The following CFAP77 variants were observed in gnomAD, a reference collection of about 807,000 sequenced individuals.
CFAP77 encodes the protein cilia- and flagella-associated protein 77.
In CFAP77, 25 loss-of-function variants were observed where a neutral mutation model predicts 31.1. The observed-to-expected ratio is 0.80, with a 90% confidence interval of 0.59 to 1.12. The LOEUF (loss-of-function observed/expected upper bound fraction) is 1.12. CFAP77 is among the 50% of genes most tolerant of loss of function. The pLI, the probability that CFAP77 is intolerant of heterozygous loss-of-function variation, is 0.00. For missense variants in CFAP77, 377 were observed against 397.3 expected, an observed-to-expected ratio of 0.95 and a Z score of 0.44; for synonymous variants, 151 against 159.9, an observed-to-expected ratio of 0.94 and a Z score of 0.42.
chr9:132,553,310 G>C (rs905914089), intron 5 of CFAP77, among the ~76,000 whole-genome samples: 1 of 152,094 alleles, frequency 6.6e-6, no homozygotes, highest in Non-Finnish European at 1.5e-5. Context: ...ATTCACATAC[G>C]CTTTTTGTTG....
At chr9:132,445,069 G>A (rs2131706462) in intron 1 of CFAP77, among the ~76,000 whole-genome samples, 1 of 151,746 alleles carries the variant, frequency 6.6e-6, no homozygotes, top group African/African-American at 2.4e-5. Flanking sequence ...CGCCTCCTGG[G>A]TTCCAGCAAT....
chr9:132,567,403 C>T (rs1278972250), intron 5 of CFAP77, among the ~76,000 whole-genome samples: 2 of 152,178 alleles, frequency 1.3e-5, no homozygotes, highest in Admixed American at 1.3e-4. Flanking sequence ...ACGGCGACTG[C>T]GAAAAAGAAA....
intron 1 of CFAP77, among the ~76,000 whole-genome samples, chr9:132,449,686 G>A (rs1165175730): frequency 1.3e-5 from 2 of 152,084 alleles, no homozygotes; most frequent in East Asian, 3.8e-4. Context: ...TTTATCTTGG[G>A]CAAATACCCA....
intron 1 of CFAP77, among the ~76,000 whole-genome samples, chr9:132,431,236 C>T (rs1231518491): frequency 6.6e-6 from 1 of 152,326 alleles, no homozygotes; most frequent in East Asian, 1.9e-4. Flanking sequence ...GCAAAGTTTG[C>T]ACTTTGAGTT....
chr9:132,427,777 G>A (rs12684354), intron 1 of CFAP77, among the ~76,000 whole-genome samples: 6,229 of 152,216 alleles, frequency 0.041, 129 homozygotes, highest in Middle Eastern at 0.058. Context: ...GCCTGTAAAG[G>A]TGTCTATGTC....
intron 1 of CFAP77, among the ~76,000 whole-genome samples, chr9:132,453,002 G>C (rs965366082): frequency 1.3e-5 from 2 of 152,194 alleles, no homozygotes; most frequent in African/African-American, 4.8e-5. Flanking sequence ...TGGCTAAGCA[G>C]AGAAAAGCAT....
chr9:132,442,193 A>G (rs1337724139), intron 1 of CFAP77, among the ~76,000 whole-genome samples: 1 of 152,174 alleles, frequency 6.6e-6, no homozygotes, highest in African/African-American at 2.4e-5. Context: ...TTATAAGACC[A>G]TTCTCTCCTG....
At chr9:132,458,357 G>GGGGGGGCGGGGAGTGT (rs139008147) in intron 1 of CFAP77, among the ~76,000 whole-genome samples, 1 of 119,046 alleles carries the variant, frequency 8.4e-6, no homozygotes, top group African/African-American at 3.2e-5. Context: ...GAGGGGGGGG[G>GGGGGGGCGGGGAGTGT]GTGTGTATGG....
At chr9:132,420,797 A>T (rs1850201573) in intron 1 of CFAP77, among the ~76,000 whole-genome samples, 1 of 152,190 alleles carries the variant, frequency 6.6e-6, no homozygotes, top group South Asian at 2.1e-4. Flanking sequence ...ACAGGGGTAA[A>T]CCCACCTGGA....
chr9:132,422,416 C>T (rs1850233021), intron 1 of CFAP77, among the ~76,000 whole-genome samples: 1 of 152,196 alleles, frequency 6.6e-6, no homozygotes, highest in African/African-American at 2.4e-5. Context: ...GCTAGGGAAG[C>T]CCCACCTGGA....
Position 132,480,509 on chromosome 9 carries a change from T to C in CFAP77, c.196-18186T>C, listed in dbSNP as rs1298236996. ...CCCAGAGCATGTGCTGAAGACCTACTGTGTGCCGGGCACCGGAGACGCCAC... is the reference window on the plus strand; with the variant it reads ...CCCAGAGCATGTGCTGAAGACCTACCGTGTGCCGGGCACCGGAGACGCCAC... On this transcript the variant is annotated intron_variant, in intron 1 of 5. Transcript: ENST00000393216. This position sits in a 1 kb window ranked among gnomAD's most constrained non-coding sequence, Gnocchi z 5.8. 6.6e-6 allele frequency among the ~76,000 whole-genome samples: 1 copy of C among 152,200 alleles called. No individual in the cohort carries two copies. The highest frequency in any genetic ancestry group is 1.5e-5 in the Non-Finnish European group (1 of 68,034).
intron 1 of CFAP77, among the ~76,000 whole-genome samples, chr9:132,470,746 C>T (rs1048679755): frequency 6.6e-6 from 1 of 152,246 alleles, no homozygotes; most frequent in Admixed American, 6.5e-5. Context: ...CGGTGGCTTA[C>T]GCCTGTAATC....
In CFAP77 at chr9:132,499,826, C is replaced by G. The variant is rs945371855; in HGVS notation, c.524+226C>G. ...CCTGTAGGGCTGTGCACAGGTCACC[C>G]ACTTTCCCTTGATCAACAAACAGTG... On this transcript the variant is annotated intron_variant, in intron 3 of 5. Transcript: ENST00000393216. The surrounding 1 kb of genome is among the most constrained non-coding windows in gnomAD (Gnocchi z 5.4). Among the ~76,000 whole-genome samples, 1 of 152,166 alleles carries G rather than the reference C, an allele frequency of 6.6e-6. No individual in the cohort carries two copies. The highest frequency in any genetic ancestry group is 2.4e-5 in the African/African-American group (1 of 41,448).
intron 1 of CFAP77, among the ~76,000 whole-genome samples, chr9:132,412,621 T>C (rs1850028177): frequency 6.6e-6 from 1 of 151,606 alleles, no homozygotes; most frequent in Admixed American, 6.6e-5. Context: ...TTTGTGCTTT[T>C]TTTTTTTTGT....
chr9:132,540,671 G>A (rs1852624923), intron 4 of CFAP77, among the ~76,000 whole-genome samples: 1 of 152,232 alleles, frequency 6.6e-6, no homozygotes, highest in Non-Finnish European at 1.5e-5. Flanking sequence ...TGGTGAAGAA[G>A]GGGATAGTTG....
chr9:132,558,454 C>A (rs1445763277), intron 5 of CFAP77, among the ~76,000 whole-genome samples: 1 of 152,214 alleles, frequency 6.6e-6, no homozygotes, highest in Non-Finnish European at 1.5e-5. Context: ...CCTGTAATCC[C>A]AGCACTTTGG....
In CFAP77 at chr9:132,539,157, C is replaced by G. The variant is rs1053943548; in HGVS notation, c.630+1451C>G. ...CCTTTAAAATATTCTGAAACTCGAG[C>G]TTTCAGAGAGATCAGATTGGCCTCC... On this transcript the variant is annotated intron_variant, in intron 4 of 5. Transcript: ENST00000393216. The surrounding 1 kb of genome is among the most constrained non-coding windows in gnomAD (Gnocchi z 4.3). Among the ~76,000 whole-genome samples, 1 of 152,096 alleles carries G rather than the reference C, an allele frequency of 6.6e-6. No individual in the cohort carries two copies. The highest frequency in any genetic ancestry group is 1.5e-5 in the Non-Finnish European group (1 of 68,008).
At chr9:132,563,723 G>A (rs1025998328) in intron 5 of CFAP77, among the ~76,000 whole-genome samples, 1 of 152,328 alleles carries the variant, frequency 6.6e-6, no homozygotes, top group East Asian at 1.9e-4. Flanking sequence ...GAGGTTGTAC[G>A]AATGAACACA....
Position 132,565,611 on chromosome 9 carries a change from A to G in CFAP77, c.733-6777A>G, listed in dbSNP as rs1462819313. 6.6e-6 allele frequency among the ~76,000 whole-genome samples: 1 copy of G among 151,994 alleles called. No homozygotes were observed. Among genetic ancestry groups the G allele is most frequent in the Non-Finnish European group, 1.5e-5 (1 of 67,998 alleles). On this transcript the variant is annotated intron_variant, in intron 5 of 5. Transcript: ENST00000393216. The surrounding 1 kb of genome is among the most constrained non-coding windows in gnomAD (Gnocchi z 4.1). ...ACACCACTGCACTCCAGCCTGGGCA[A>G]CGAGAATGAAACCCCTTCTTAAAAA...
Sources: gnomAD v4.1 joint callset for allele counts (sites outside exome capture counted in the v4.1 genomes callset) on GRCh38, gnomAD v4.1.1 for gene constraint, Gnocchi (gnomAD v3.1) non-coding constraint, MANE v1.5 for transcripts, NCBI Gene and HGNC (gene_info 2026-07-23, HGNC 2026-07-21) for gene names.